Variants in EPHA5 observed in about 807,000 individuals in gnomAD.
EPHA5 encodes the protein EPH receptor A5, also known as ephrin type-A receptor 5.
In EPHA5, 60 loss-of-function variants were observed where a neutral mutation model predicts 105.0. That is an observed-to-expected ratio of 0.57 (90% CI 0.46 to 0.71). The LOEUF (loss-of-function observed/expected upper bound fraction) is 0.71, where lower values mean the gene tolerates loss of function less well. Among genes scored for constraint, EPHA5 ranks in the 30% least tolerant of loss-of-function variants. The pLI, the probability that EPHA5 is intolerant of heterozygous loss-of-function variation, is 0.00. For missense variants in EPHA5, 1,218 were observed against 1,274.7 expected, an observed-to-expected ratio of 0.96 and a Z score of 0.68; for synonymous variants, 513 against 449.1, an observed-to-expected ratio of 1.14 and a Z score of -1.80.
Position 65,320,638 on chromosome 4 carries a change from A to C in EPHA5, c.*3476T>G, listed in dbSNP as rs1719568880. 4.4e-6 allele frequency: 1 copy of C among 229,852 alleles called. No homozygotes were observed. The highest frequency in any genetic ancestry group is 1.8e-4 in the South Asian group (1 of 5,508). 14.2% of individuals were successfully genotyped at this position (229,852 alleles called of 1,614,324 possible). A position where few individuals can be genotyped will look rare whatever the true frequency, so the allele number is the denominator to read the frequency against. ...AGAACCCACTTTACATGGCATAAATAATGGTGTTAAAAATATTTTACTTTC... is the reference window on the plus strand; with the variant it reads ...AGAACCCACTTTACATGGCATAAATCATGGTGTTAAAAATATTTTACTTTC... On this transcript the variant is annotated 3_prime_UTR_variant, in exon 17 of 17. Coordinates refer to ENST00000613740, the MANE Select transcript of EPHA5 (RefSeq NM_001281766.3).
Position 65,321,559 on chromosome 4 carries a change from A to C in EPHA5, c.*2555T>G. On this transcript the variant is annotated 3_prime_UTR_variant, in exon 17 of 17. Coordinates refer to ENST00000613740, the MANE Select transcript of EPHA5 (RefSeq NM_001281766.3). ...TAAAGTCATATTAACCTTCCTTAGA[A>C]ATTCTCAACCAAATTGAGATGCAAA... The C allele has an allele frequency of 4.4e-6, 1 of 229,288 alleles. No homozygotes were observed. The highest frequency in any genetic ancestry group is 6.2e-5 in the East Asian group (1 of 16,178). The allele number at this position is 229,288 out of a possible 1,614,324, so 14.2% of individuals were successfully genotyped here.
intron 8 of EPHA5, among the ~76,000 whole-genome samples, chr4:65,386,689 T>A (rs550025117): frequency 2.6e-4 from 40 of 152,044 alleles, no homozygotes; most frequent in Non-Finnish European, 1.3e-4. Flanking sequence ...ATATAAATTT[T>A]ATATTGTTAT....
rs201483155 is a variant in EPHA5, at chr4:65,343,853, AGT to A, written c.2595+4199_2595+4200del. 6.2e-5 allele frequency among the ~76,000 whole-genome samples: 5 copies of A among 80,980 alleles called. No individual in the cohort carries two copies. The East Asian group carries it at 1.4e-3, about 23-fold the overall frequency. The allele number at this position is 80,980 out of a possible 152,430, so 53.1% of individuals were successfully genotyped here. A position where few individuals can be genotyped will look rare whatever the true frequency, so the allele number is the denominator to read the frequency against. On this transcript the variant is annotated intron_variant, in intron 14 of 16. Transcript: ENST00000613740. Reference sequence around the variant, plus strand: ...AAAACCAAGTAAAAGCCAAAATATTAGTGTTTTTTTTTTCTTTAAACTTCCTG... The same window carrying A: ...AAAACCAAGTAAAAGCCAAAATATTAGTTTTTTTTTTCTTTAAACTTCCTG...
At chr4:65,607,189 T>A (rs796420401) in intron 2 of EPHA5, among the ~76,000 whole-genome samples, 2 of 151,824 alleles carry the variant, frequency 1.3e-5, no homozygotes, top group South Asian at 2.1e-4. Flanking sequence ...ATGTTTTTTT[T>A]AAAGATATAA....
intron 10 of EPHA5, 72 bp from the exon 11 acceptor site, chr4:65,365,274 T>G: frequency 8.0e-7 from 1 of 1,242,932 alleles, no homozygotes; most frequent in Admixed American, 1.9e-5. Context: ...GTATGCCCTC[T>G]TAGACTACTA....
At chr4:65,503,260 C>A (rs1181454990) in intron 3 of EPHA5, among the ~76,000 whole-genome samples, 1 of 151,696 alleles carries the variant, frequency 6.6e-6, no homozygotes, top group Non-Finnish European at 1.5e-5. Context: ...ACATGTAACC[C>A]CTGAATCTAA....
intron 2 of EPHA5, 98 bp from the exon 3 acceptor site, chr4:65,602,402 G>A: frequency 1.1e-6 from 1 of 932,574 alleles, no homozygotes; most frequent in Non-Finnish European, 1.5e-6. Flanking sequence ...CTGAGATATA[G>A]AAATATTCGT....
rs554706022 is a variant in EPHA5, at chr4:65,490,705, G to C, written c.1074C>G (p.Pro358=). The C allele has an allele frequency of 4.3e-6, 7 of 1,612,832 alleles. No individual in the cohort carries two copies. The East Asian group carries it at 1.3e-4, about 31-fold the overall frequency. ...DPPTMACTRP[P]SAPRNAISNV... is the part of the protein sequence containing the mutation. ...TTGAGATGGCATTCCGAGGAGCAGAGGGGGGTCCTGGTTTACAAAGTAAAG... is the reference window on the plus strand; with the variant it reads ...TTGAGATGGCATTCCGAGGAGCAGACGGGGGTCCTGGTTTACAAAGTAAAG... The change falls in exon 5 of 17, where the codon CCC becomes CCG. Residue 358 remains proline, a synonymous_variant. Coordinates refer to ENST00000613740, the MANE Select transcript of EPHA5 (RefSeq NM_001281766.3).
At chr4:65,331,401 A>G (rs1408699108) in intron 16 of EPHA5, 14 of 1,044,942 alleles carry the variant, frequency 1.3e-5, no homozygotes, top group Non-Finnish European at 1.6e-5. Context: ...AAAGGGCACA[A>G]TTGGTTCCAC....
intron 3 of EPHA5, among the ~76,000 whole-genome samples, chr4:65,504,641 T>C (rs995838492): frequency 6.6e-6 from 1 of 151,916 alleles, no homozygotes; most frequent in Non-Finnish European, 1.5e-5. Context: ...GCTTGACATA[T>C]AGTAGCTAAA....
chr4:65,515,907 A>G (rs1208297194), intron 3 of EPHA5, among the ~76,000 whole-genome samples: 3 of 152,102 alleles, frequency 2.0e-5, no homozygotes, highest in African/African-American at 7.2e-5. Context: ...GGAGAATTCA[A>G]TATCTCTTCT....
chr4:65,632,022 C>G lies in EPHA5; in HGVS notation c.246+11341G>C, dbSNP rs139271461. 7.2e-5 allele frequency among the ~76,000 whole-genome samples: 11 copies of G among 152,062 alleles called. No individual in the cohort carries two copies. The East Asian group carries it at 2.1e-3, about 29-fold the overall frequency. ...ATCACACTGAGTCCTCAATATGGGT[C>G]AGGTATTGTGCTAAACACTGCATCA... On this transcript the variant is annotated intron_variant, in intron 2 of 16. Transcript: ENST00000613740.
chr4:65,530,523 A>G (rs904016213), intron 3 of EPHA5, among the ~76,000 whole-genome samples: 3 of 152,160 alleles, frequency 2.0e-5, no homozygotes, highest in African/African-American at 7.2e-5. Flanking sequence ...CTTTGAATGT[A>G]TGGTCAGTTA....
chr4:65,427,921 T>C (rs182631685), intron 5 of EPHA5, among the ~76,000 whole-genome samples: 1 of 152,306 alleles, frequency 6.6e-6, no homozygotes, highest in East Asian at 1.9e-4. Flanking sequence ...TGTATGATCA[T>C]GTAACAATTT....
At chr4:65,335,875 G>A (rs2148811923) in intron 15 of EPHA5, 57 bp downstream of exon 15, 1 of 1,464,154 alleles carries the variant, frequency 6.8e-7, no homozygotes. Context: ...TAAAATATTT[G>A]TGACATCAAT....
intron 8 of EPHA5, among the ~76,000 whole-genome samples, chr4:65,382,504 A>G (rs916321128): frequency 5.9e-5 from 9 of 151,902 alleles, no homozygotes; most frequent in South Asian, 2.1e-4. Context: ...TCAAATATTA[A>G]CCATCTTTCA....
intron 5 of EPHA5, among the ~76,000 whole-genome samples, chr4:65,459,056 A>G (rs1160439922): frequency 6.6e-6 from 1 of 152,068 alleles, no homozygotes; most frequent in Non-Finnish European, 1.5e-5. Flanking sequence ...ACCTGCAAAC[A>G]AGATAAGCAA....
At chr4:65,502,566 C>T (rs997874330) in intron 3 of EPHA5, among the ~76,000 whole-genome samples, 2 of 151,680 alleles carry the variant, frequency 1.3e-5, no homozygotes, top group African/African-American at 4.8e-5. Context: ...TCACAATAGT[C>T]ACTATGGTCA....
At position 65,321,722 on chromosome 4, in the gene EPHA5, A is replaced by G. The variant is rs1324247178; in HGVS notation, c.*2392T>C. On this transcript the variant is annotated 3_prime_UTR_variant, in exon 17 of 17. Transcript: ENST00000613740. ...TTAAAAAGAGAAAATCTATATTGCA[A>G]CTTAAAGTTCTAGTCATTTAGATAC... 4.4e-6 allele frequency: 1 copy of G among 228,586 alleles called. No individual in the cohort carries two copies. The highest frequency in any genetic ancestry group is 8.7e-6 in the Non-Finnish European group (1 of 115,146). 14.2% of individuals were successfully genotyped at this position (228,586 alleles called of 1,614,324 possible). A position where few individuals can be genotyped will look rare whatever the true frequency, so the allele number is the denominator to read the frequency against.
Sources: allele counts gnomAD v4.1 joint callset (sites outside exome capture counted in the v4.1 genomes callset), GRCh38; gene constraint gnomAD v4.1.1; transcripts MANE v1.5; gene names NCBI Gene and HGNC (gene_info 2026-07-23, HGNC 2026-07-21).